Variants in NRG1 observed in about 807,000 individuals in gnomAD.
NRG1 encodes pro-neuregulin-1, membrane-bound isoform.
A neutral mutation model predicts 63.8 loss-of-function variants in NRG1; 18 were observed. That is an observed-to-expected ratio of 0.28 (90% CI 0.19 to 0.42). The LOEUF is 0.42. Among genes scored for constraint, NRG1 ranks in the 10% least tolerant of loss-of-function variants. The pLI, the probability that NRG1 is intolerant of heterozygous loss-of-function variation, is 1.00. For missense variants in NRG1, 762 were observed against 814.7 expected (o/e 0.94, Z 0.79); for synonymous variants, 302 against 301.3 (o/e 1.00, Z -0.02).
chr8:32,398,432 A>T (rs1400823905), intron 1 of NRG1, among the ~76,000 whole-genome samples: 2 of 145,964 alleles, frequency 1.4e-5, no homozygotes, highest in East Asian at 2.0e-4. Flanking sequence ...TTTTTTTAAG[A>T]CCAGGTCTCA....
intron 1 of NRG1, among the ~76,000 whole-genome samples, chr8:32,583,792 C>T (rs1779183270): frequency 6.6e-6 from 1 of 152,156 alleles, no homozygotes; most frequent in African/African-American, 2.4e-5. Context: ...TCTCATTGTT[C>T]AGCACGAAAA....
intron 1 of NRG1, among the ~76,000 whole-genome samples, chr8:32,134,776 A>G (rs7819356): frequency 0.11 from 16,082 of 152,106 alleles, 1,091 homozygotes; most frequent in Middle Eastern, 0.2. Flanking sequence ...AGTGCCTTTT[A>G]GAGGCTAAGG....
Position 31,880,393 on chromosome 8 carries a change from A to AATTAAC in NRG1, c.37+240967_37+240972dup, listed in dbSNP as rs1364774039. On this transcript the variant is annotated intron_variant, in intron 1 of 10. Coordinates refer to the NRG1 transcript ENST00000519301. ...TGGGTTTTGGCAGCATACGACCATG[A>AATTAAC]ATTAACATTATATTTCCGCTTACCA... Among the ~76,000 whole-genome samples the AATTAAC allele has an allele frequency of 5.9e-5, 9 of 152,242 alleles. No homozygotes were observed. In the East Asian group the frequency reaches 1.7e-3, roughly 29 times the overall value.
intron 1 of NRG1, among the ~76,000 whole-genome samples, chr8:32,052,393 A>G (rs896216010): frequency 6.7e-6 from 1 of 149,794 alleles, no homozygotes; most frequent in Non-Finnish European, 1.5e-5. Context: ...CTCCCACCTC[A>G]GCCAACTGAG....
At chr8:32,278,525 G>A (rs556122977) in intron 1 of NRG1, among the ~76,000 whole-genome samples, 3 of 152,122 alleles carry the variant, frequency 2.0e-5, no homozygotes, top group Non-Finnish European at 4.4e-5. Context: ...ATTAGAGTAG[G>A]AATTTCAATT....
chr8:32,610,410 A>G (rs1217781802), intron 3 of NRG1, among the ~76,000 whole-genome samples: 4 of 152,306 alleles, frequency 2.6e-5, no homozygotes, highest in Non-Finnish European at 4.4e-5. Context: ...GCTGTTTGGC[A>G]TGATGTTTAA....
intron 1 of NRG1, among the ~76,000 whole-genome samples, chr8:32,054,859 CTTTCTTTTTTTTTTTTTTTTTT>C (rs1188550485): frequency 5.4e-4 from 38 of 70,684 alleles, no homozygotes; most frequent in East Asian, 2.9e-3. Flanking sequence ...AGATTTCTTT[CTTTCTTTTTTTTTTTTTTTTTT>C]TTTTTTTTTT....
chr8:31,933,064 T>A (rs570376493), intron 1 of NRG1, among the ~76,000 whole-genome samples: 1 of 152,244 alleles, frequency 6.6e-6, no homozygotes, highest in Non-Finnish European at 1.5e-5. Flanking sequence ...TATAAAATTT[T>A]AAATTTAGAT....
At chr8:32,128,637 T>C (rs1445880905) in intron 1 of NRG1, among the ~76,000 whole-genome samples, 2 of 151,968 alleles carry the variant, frequency 1.3e-5, no homozygotes, top group Non-Finnish European at 2.9e-5. Context: ...AGGCTGCCCA[T>C]GTTTAGTCTT....
intron 1 of NRG1, among the ~76,000 whole-genome samples, chr8:31,848,159 C>A (rs1826865058): frequency 6.6e-6 from 1 of 152,060 alleles, no homozygotes; most frequent in African/African-American, 2.4e-5. Flanking sequence ...AATGAAATAC[C>A]AGATAGTTCT....
At chr8:32,688,967 C>T (rs1810886860) in intron 5 of NRG1, among the ~76,000 whole-genome samples, 1 of 152,064 alleles carries the variant, frequency 6.6e-6, no homozygotes, top group Non-Finnish European at 1.5e-5. Context: ...GTCGTCACAC[C>T]ATAATCTTAA....
At chr8:32,033,558 T>C (rs560978099) in intron 1 of NRG1, among the ~76,000 whole-genome samples, 1 of 152,340 alleles carries the variant, frequency 6.6e-6, no homozygotes, top group East Asian at 1.9e-4. Context: ...ATTTTCACAG[T>C]ATTGATTCTT....
intron 1 of NRG1, among the ~76,000 whole-genome samples, chr8:31,738,527 A>T (rs1814926355): frequency 6.6e-6 from 1 of 152,154 alleles, no homozygotes; most frequent in African/African-American, 2.4e-5. Context: ...CATTATTATC[A>T]TACCATTATT....
intron 7 of NRG1, among the ~76,000 whole-genome samples, chr8:32,747,552 T>C (rs1827681651): frequency 6.6e-6 from 1 of 152,026 alleles, no homozygotes; most frequent in Non-Finnish European, 1.5e-5. Flanking sequence ...GCTGTGAATA[T>C]TGTGCAACCA....
chr8:31,656,979 A>G (rs969695961), intron 1 of NRG1, among the ~76,000 whole-genome samples: 1 of 152,202 alleles, frequency 6.6e-6, no homozygotes, highest in Non-Finnish European at 1.5e-5. Flanking sequence ...GTGACTGAGC[A>G]TTTTAATGAA....
chr8:31,836,862 G>T (rs1274678842), intron 1 of NRG1, among the ~76,000 whole-genome samples: 1 of 151,992 alleles, frequency 6.6e-6, no homozygotes, highest in Non-Finnish European at 1.5e-5. Context: ...ATTATAAATT[G>T]CTCTCCATAG....
chr8:31,873,919 CTTCTT>C (rs113563823), intron 1 of NRG1, among the ~76,000 whole-genome samples: 1,807 of 152,254 alleles, frequency 0.012, 39 homozygotes, highest in African/African-American at 0.041. Flanking sequence ...GTCTTGCTCT[CTTCTT>C]AAGTTACAGA....
intron 1 of NRG1, among the ~76,000 whole-genome samples, chr8:32,303,061 A>G (rs1855764951): frequency 6.6e-6 from 1 of 151,840 alleles, no homozygotes; most frequent in Admixed American, 6.6e-5. Flanking sequence ...TGATGCCTGT[A>G]ATCCCAGCTA....
At chr8:31,770,327 T>C (rs1000958135) in intron 1 of NRG1, among the ~76,000 whole-genome samples, 8 of 152,140 alleles carry the variant, frequency 5.3e-5, no homozygotes, top group Non-Finnish European at 1.0e-4. Context: ...ACAAATATTC[T>C]TTTTGTTTTG....
Sources: allele counts gnomAD v4.1 joint callset (sites outside exome capture counted in the v4.1 genomes callset), GRCh38; gene constraint gnomAD v4.1.1; transcripts MANE v1.5; gene names NCBI Gene and HGNC (gene_info 2026-07-23, HGNC 2026-07-21).